Variants in SPOCK1 observed in about 807,000 individuals in gnomAD.
SPOCK1 encodes SPARC (osteonectin), cwcv and kazal like domains proteoglycan 1, also known as testican-1.
In SPOCK1, 23 loss-of-function variants were observed where a neutral mutation model predicts 55.3. The observed-to-expected ratio is 0.42, with a 90% CI of 0.30 to 0.59. The LOEUF (loss-of-function observed/expected upper bound fraction) is 0.59, where lower values mean the gene tolerates loss of function less well. Ranked by LOEUF, SPOCK1 falls within the 20% of genes least tolerant of loss-of-function variation. The probability of loss-of-function intolerance (pLI) is 0.22; values close to 1 mark genes in which losing one functional copy is unlikely to be tolerated. For missense variants in SPOCK1, 499 were observed against 552.5 expected (o/e 0.90, Z 0.97); for synonymous variants, 226 against 221.0 (o/e 1.02, Z -0.20).
chr5:137,428,517 T>C (rs1032238592), intron 2 of SPOCK1, among the ~76,000 whole-genome samples: 1 of 152,222 alleles, frequency 6.6e-6, no homozygotes, highest in Non-Finnish European at 1.5e-5. Context: ...TTCCTTTCAC[T>C]GTTTGTGTCA....
intron 2 of SPOCK1, among the ~76,000 whole-genome samples, chr5:137,394,261 G>A (rs959219016): frequency 6.6e-6 from 1 of 152,174 alleles, no homozygotes; most frequent in Non-Finnish European, 1.5e-5. Context: ...CCGGTAGACT[G>A]TAAAACTCTT....
intron 4 of SPOCK1, among the ~76,000 whole-genome samples, chr5:137,133,419 G>A (rs1039639589): frequency 3.3e-5 from 5 of 151,218 alleles, no homozygotes; most frequent in South Asian, 2.1e-4. Flanking sequence ...CCAGCCTAGC[G>A]AATTTGCCTG....
intron 2 of SPOCK1, among the ~76,000 whole-genome samples, chr5:137,445,137 C>T (rs1753095846): frequency 6.6e-6 from 1 of 152,204 alleles, no homozygotes. Flanking sequence ...CCCACCTCCA[C>T]CCTAGACATT....
At chr5:137,219,516 A>C (rs895257671) in intron 3 of SPOCK1, among the ~76,000 whole-genome samples, 6 of 152,262 alleles carry the variant, frequency 3.9e-5, no homozygotes, top group Non-Finnish European at 7.3e-5. Flanking sequence ...GAATTCATGA[A>C]GGTAAAATTA....
intron 6 of SPOCK1, among the ~76,000 whole-genome samples, chr5:137,007,512 T>G (rs775699698): frequency 6.6e-5 from 10 of 152,178 alleles, no homozygotes; most frequent in African/African-American, 9.7e-5. Context: ...AGGAAGACAT[T>G]TATGTCGCCA....
At chr5:136,984,823 C>G (rs567496493) in intron 9 of SPOCK1, among the ~76,000 whole-genome samples, 1 of 152,296 alleles carries the variant, frequency 6.6e-6, no homozygotes, top group African/African-American at 2.4e-5. Flanking sequence ...CACTTGAGAG[C>G]ACCATTCAAT....
intron 4 of SPOCK1, among the ~76,000 whole-genome samples, chr5:137,119,802 G>A (rs947224868): frequency 3.3e-5 from 5 of 152,106 alleles, no homozygotes; most frequent in Admixed American, 6.6e-5. Flanking sequence ...CCTTATAAGC[G>A]GCCTTATTAT....
At chr5:137,192,971 C>G (rs1189944076) in intron 3 of SPOCK1, among the ~76,000 whole-genome samples, 2 of 152,156 alleles carry the variant, frequency 1.3e-5, no homozygotes, top group East Asian at 3.8e-4. Flanking sequence ...GAAAGATATA[C>G]TAGGGTCCTC....
At chr5:137,199,464 A>G (rs972905883) in intron 3 of SPOCK1, among the ~76,000 whole-genome samples, 4 of 152,092 alleles carry the variant, frequency 2.6e-5, no homozygotes, top group African/African-American at 9.7e-5. Flanking sequence ...CACAAAGTTG[A>G]CGAGGATGGT....
intron 2 of SPOCK1, among the ~76,000 whole-genome samples, chr5:137,292,145 GC>G (rs1234165606): frequency 6.6e-6 from 1 of 152,102 alleles, no homozygotes; most frequent in African/African-American, 2.4e-5. Context: ...CAATAACTCG[GC>G]TTTGTATGTA....
intron 2 of SPOCK1, among the ~76,000 whole-genome samples, chr5:137,335,868 G>A (rs1352628740): frequency 6.6e-6 from 1 of 152,190 alleles, no homozygotes; most frequent in Non-Finnish European, 1.5e-5. Flanking sequence ...TATAAAGCAT[G>A]AGCCCTGCGG....
chr5:137,193,289 A>T (rs1272012654), intron 3 of SPOCK1, among the ~76,000 whole-genome samples: 1 of 152,088 alleles, frequency 6.6e-6, no homozygotes, highest in Non-Finnish European at 1.5e-5. Context: ...AGACAGTGAG[A>T]AGTGAAGAAA....
At chr5:137,394,002 ATAAAGTAATAAGAG>A (rs2127180635) in intron 2 of SPOCK1, among the ~76,000 whole-genome samples, 1 of 152,332 alleles carries the variant, frequency 6.6e-6, no homozygotes, top group African/African-American at 2.4e-5. Flanking sequence ...GACTTATATA[ATAAAGTAATAAGAG>A]TAAAGTAATA....
chr5:137,034,547 A>T (rs781522541), intron 6 of SPOCK1, among the ~76,000 whole-genome samples: 33 of 152,194 alleles, frequency 2.2e-4, no homozygotes, highest in Non-Finnish European at 4.4e-4. Flanking sequence ...AATATTTCAC[A>T]GACATCATCT....
At chr5:137,257,494 G>A (rs546366058) in intron 3 of SPOCK1, among the ~76,000 whole-genome samples, 1 of 152,084 alleles carries the variant, frequency 6.6e-6, no homozygotes, top group South Asian at 2.1e-4. Flanking sequence ...CTGGAAGAGG[G>A]CCCTCACCAG....
intron 3 of SPOCK1, among the ~76,000 whole-genome samples, chr5:137,161,426 G>C (rs1754555648): frequency 6.6e-6 from 1 of 151,992 alleles, no homozygotes; most frequent in Non-Finnish European, 1.5e-5. Flanking sequence ...CTCTCTCCAG[G>C]TAAGGCTGAC....
chr5:136,975,909 A>G lies in SPOCK1; in HGVS notation c.*2745T>C, dbSNP rs1364228427. ...AAAGAGCTGTTCATGGAATAAGAATAAAACTGTTCATTAAGAACTTTTCAA... is the reference window on the plus strand; with the variant it reads ...AAAGAGCTGTTCATGGAATAAGAATGAAACTGTTCATTAAGAACTTTTCAA... On this transcript the variant is annotated 3_prime_UTR_variant, in exon 11 of 11. Coordinates refer to ENST00000394945, the MANE Select transcript of SPOCK1 (RefSeq NM_004598.4). The G allele has an allele frequency of 6.6e-6, 1 of 152,258 alleles. No individual in the cohort carries two copies. The highest frequency in any genetic ancestry group is 1.5e-5 in the Non-Finnish European group (1 of 68,052). The allele number at this position is 152,258 out of a possible 1,614,324, so 9.4% of individuals were successfully genotyped here.
chr5:137,261,415 T>G (rs750162850), intron 3 of SPOCK1, among the ~76,000 whole-genome samples: 1 of 152,162 alleles, frequency 6.6e-6, no homozygotes, highest in African/African-American at 2.4e-5. Context: ...ACTCCCTCCT[T>G]TTGAGTTTTA....
At chr5:137,075,136 C>G (rs1274453600) in intron 5 of SPOCK1, among the ~76,000 whole-genome samples, 1 of 152,218 alleles carries the variant, frequency 6.6e-6, no homozygotes, top group Non-Finnish European at 1.5e-5. Flanking sequence ...ACTGCAACAA[C>G]TGTCAAATCT....
Sources: allele counts gnomAD v4.1 joint callset (sites outside exome capture counted in the v4.1 genomes callset), GRCh38; gene constraint gnomAD v4.1.1; transcripts MANE v1.5; gene names NCBI Gene and HGNC (gene_info 2026-07-23, HGNC 2026-07-21).